The following SHCBP1L variants were observed in gnomAD, a reference collection of about 807,000 sequenced individuals.
SHCBP1L encodes the protein SHC binding and spindle associated 1 like, also known as testicular spindle-associated protein SHCBP1L.
In SHCBP1L, 67 loss-of-function variants were observed where a neutral mutation model predicts 62.5. The ratio of observed to expected loss-of-function variants is 1.07; its 90% CI spans 0.88 to 1.31. The LOEUF is 1.31. Ranked by LOEUF, SHCBP1L falls within the 40% of genes most tolerant of loss-of-function variation. SHCBP1L has a pLI of 0.00. For missense variants in SHCBP1L, 823 were observed against 809.8 expected, an observed-to-expected ratio of 1.02 and a Z score of -0.20; for synonymous variants, 284 against 289.4, an observed-to-expected ratio of 0.98 and a Z score of 0.19.
At chr1:182,927,387 C>T (rs1300243483) in intron 6 of SHCBP1L, among the ~76,000 whole-genome samples, 1 of 151,860 alleles carries the variant, frequency 6.6e-6, no homozygotes, top group African/African-American at 2.4e-5. Flanking sequence ...CTTACATGCA[C>T]AGCAGCCGGG....
At chr1:182,915,825 G>A (rs959935547) in intron 6 of SHCBP1L, among the ~76,000 whole-genome samples, 2 of 61,216 alleles carry the variant, frequency 3.3e-5, no homozygotes, top group African/African-American at 1.2e-4. Flanking sequence ...TTTTTTTTTT[G>A]AGACGGAGTC....
At chr1:182,948,604 G>C (rs903301570) in intron 2 of SHCBP1L, among the ~76,000 whole-genome samples, 1 of 152,186 alleles carries the variant, frequency 6.6e-6, no homozygotes, top group African/African-American at 2.4e-5. Flanking sequence ...CTTGATTTTA[G>C]CTCAGTTAGG....
chr1:182,915,207 T>C (rs1571341056), intron 6 of SHCBP1L, among the ~76,000 whole-genome samples: 1 of 138,754 alleles, frequency 7.2e-6, no homozygotes, highest in Admixed American at 7.2e-5. Flanking sequence ...AATCTCACTT[T>C]AGATTCAAAG....
intron 6 of SHCBP1L, among the ~76,000 whole-genome samples, chr1:182,917,418 A>AT (rs1650388707): frequency 6.6e-6 from 1 of 152,172 alleles, no homozygotes; most frequent in African/African-American, 2.4e-5. Flanking sequence ...TAATTTCTGT[A>AT]TTTTTAGTAG....
intron 6 of SHCBP1L, among the ~76,000 whole-genome samples, chr1:182,906,669 T>C (rs2101920881): frequency 6.6e-6 from 1 of 152,178 alleles, no homozygotes; most frequent in South Asian, 2.1e-4. Flanking sequence ...TGACCTCAGG[T>C]GGTCCACCTG....
rs199777775 is a variant in SHCBP1L, at chr1:182,904,266, A to C, written c.1501T>G (p.Cys501Gly). Residue 501 changes from cysteine to glycine, a missense_variant, in exon 8 of 10, where the codon TGC becomes GGC. By Grantham distance (159) the Cys-to-Gly change is radical. Transcript: ENST00000367547. ...CCTGTTCCTTCACATTTTAATATGC[A>C]GTTTTCTAGAGTCATGTGACCAGAC... ...VESGHMTLEN[C>G]ILKCEGTGVC... The C allele has an allele frequency of 1.2e-6, 2 of 1,613,996 alleles. No individual in the cohort carries two copies. Among genetic ancestry groups the C allele is most frequent in the South Asian group, 2.2e-5 (2 of 91,086 alleles).
rs769836879 is a variant in SHCBP1L, at chr1:182,904,197, C to T, written c.1570G>A (p.Glu524Lys). Residue 524 changes from glutamate (E) to lysine (K), a missense_variant, in exon 8 of 10, where the codon GAA becomes AAA. Physicochemically the swap from Glu to Lys is moderately conservative, Grantham distance 56. Transcript: ENST00000367547. ...TGAALTITDS[E>K]ITGAQGAGVE... is the part of the protein sequence containing the mutation. Reference sequence around the variant, plus strand: ...TGAAATACCTGGGCGCCAGTTATTTCACTGTCTGTAATTGTCAAAGCAGCC... The same window carrying T: ...TGAAATACCTGGGCGCCAGTTATTTTACTGTCTGTAATTGTCAAAGCAGCC... 1 of 1,614,016 alleles carries T rather than the reference C, an allele frequency of 6.2e-7. No homozygotes were observed. The highest frequency in any genetic ancestry group is 8.5e-7 in the Non-Finnish European group (1 of 1,179,994).
intron 5 of SHCBP1L, among the ~76,000 whole-genome samples, chr1:182,936,202 C>G (rs1390960089): frequency 8.0e-6 from 1 of 124,528 alleles, no homozygotes; most frequent in East Asian, 2.7e-4. Flanking sequence ...GTGGCATGAT[C>G]TCAGCTTACT....
At chr1:182,929,914 C>G (rs1650904068) in intron 5 of SHCBP1L, among the ~76,000 whole-genome samples, 162 bp from the exon 6 acceptor site, 1 of 152,166 alleles carries the variant, frequency 6.6e-6, no homozygotes, top group Non-Finnish European at 1.5e-5. Context: ...TGTAATGATT[C>G]AGATCTTTTA....
chr1:182,951,275 G>T, intron 2 of SHCBP1L, 43 bp downstream of exon 2: 3 of 1,403,550 alleles, frequency 2.1e-6, no homozygotes, highest in Admixed American at 2.4e-5. Flanking sequence ...GTCTTTAAAA[G>T]AACTGATTCA....
intron 1 of SHCBP1L, among the ~76,000 whole-genome samples, chr1:182,952,235 T>TATACAC (rs1651796265): frequency 4.7e-5 from 2 of 42,848 alleles, no homozygotes; most frequent in Admixed American, 4.0e-4. Context: ...TATATATATA[T>TATACAC]ACACACACAC....
chr1:182,936,174 C>T (rs1056301517), intron 5 of SHCBP1L, among the ~76,000 whole-genome samples: 3 of 110,898 alleles, frequency 2.7e-5, no homozygotes, highest in African/African-American at 1.0e-4. Context: ...CTTATTCTGT[C>T]ACCCAGGCTG....
chr1:182,930,549 GTGTATATATATA>G (rs1309584625), intron 5 of SHCBP1L, among the ~76,000 whole-genome samples: 29 of 48,840 alleles, frequency 5.9e-4, no homozygotes, highest in African/African-American at 1.1e-3. Flanking sequence ...TTTAGTGTGT[GTGTATATATATA>G]TATATATATA....
At chr1:182,938,749 C>T (rs960132775) in intron 5 of SHCBP1L, among the ~76,000 whole-genome samples, 3 of 152,216 alleles carry the variant, frequency 2.0e-5, no homozygotes, top group Non-Finnish European at 4.4e-5. Flanking sequence ...ATTGGGATTA[C>T]AGGTGTGGGC....
At chr1:182,918,155 C>CACACATATAT (rs1162414006) in intron 6 of SHCBP1L, among the ~76,000 whole-genome samples, 3 of 126,110 alleles carry the variant, frequency 2.4e-5, no homozygotes, top group South Asian at 3.0e-4. Context: ...CATATATATA[C>CACACATATAT]ACATATATAT....
At position 182,940,309 on chromosome 1, in the gene SHCBP1L, AAAAGT is replaced by A; in HGVS notation, c.770+15_770+19del. The A allele has an allele frequency of 4.4e-6, 7 of 1,585,408 alleles. No homozygotes were observed. The highest frequency in any genetic ancestry group is 6.0e-6 in the Non-Finnish European group (7 of 1,165,610). On this transcript the variant is annotated intron_variant, in intron 3 of 9. Transcript: ENST00000367547. The stretch of plus-strand genomic sequence containing the variant: ...TTTGGATATAATAAATTTAATTTTC[AAAAGT>A]AAAGGCCCTAATACCTGACAACTTC...
intron 5 of SHCBP1L, 71 bp downstream of exon 5, chr1:182,939,105 A>T: frequency 8.1e-7 from 1 of 1,228,908 alleles, no homozygotes; most frequent in Non-Finnish European, 1.1e-6. Flanking sequence ...CATATACCAC[A>T]AATTAAGTGC....
At chr1:182,937,007 T>A (rs1177659320) in intron 5 of SHCBP1L, among the ~76,000 whole-genome samples, 1 of 151,998 alleles carries the variant, frequency 6.6e-6, no homozygotes, top group Admixed American at 6.6e-5. Context: ...TGAGCCATGA[T>A]CACGTCACTG....
At chr1:182,911,902 G>T (rs1462092239) in intron 6 of SHCBP1L, among the ~76,000 whole-genome samples, 1 of 152,218 alleles carries the variant, frequency 6.6e-6, no homozygotes, top group African/African-American at 2.4e-5. Context: ...ATTAGGAAGT[G>T]TCAGAAGAAG....
Sources: allele counts gnomAD v4.1 joint callset (sites outside exome capture counted in the v4.1 genomes callset), GRCh38; gene constraint gnomAD v4.1.1; transcripts MANE v1.5; gene names NCBI Gene and HGNC (gene_info 2026-07-23, HGNC 2026-07-21).